PRKCE: variants seen among roughly 807,000 people sequenced by gnomAD.
PRKCE encodes the protein protein kinase C epsilon.
In PRKCE, 16 loss-of-function variants were observed where a neutral mutation model predicts 85.4. The observed-to-expected ratio is 0.19, with a 90% confidence interval of 0.13 to 0.28. PRKCE has a LOEUF of 0.28. PRKCE is among the 10% of genes least tolerant of loss of function. The pLI, the probability that PRKCE is intolerant of heterozygous loss-of-function variation, is 1.00. For missense variants in PRKCE, 573 were observed against 975.2 expected, an observed-to-expected ratio of 0.59 and a Z score of 5.49; for synonymous variants, 388 against 371.5, an observed-to-expected ratio of 1.04 and a Z score of -0.51.
At chr2:45,681,515 C>G (rs1440956792) in intron 1 of PRKCE, among the ~76,000 whole-genome samples, 1 of 152,004 alleles carries the variant, frequency 6.6e-6, no homozygotes, top group Admixed American at 6.6e-5. Flanking sequence ...TATGATGCAC[C>G]TAAGTACAGG....
chr2:45,999,243 C>G (rs369161332), intron 6 of PRKCE, among the ~76,000 whole-genome samples: 4 of 152,162 alleles, frequency 2.6e-5, no homozygotes, highest in Non-Finnish European at 5.9e-5. Context: ...TGAAGAACTA[C>G]TTTTAACATT....
chr2:45,789,626 C>G (rs887385337), intron 1 of PRKCE, among the ~76,000 whole-genome samples: 1 of 152,098 alleles, frequency 6.6e-6, no homozygotes, highest in Non-Finnish European at 1.5e-5. Context: ...GTGAGACTGT[C>G]TCTCTGGTTG....
chr2:46,146,231 A>C (rs1676055958), intron 12 of PRKCE, among the ~76,000 whole-genome samples: 1 of 152,272 alleles, frequency 6.6e-6, no homozygotes, highest in South Asian at 2.1e-4. Flanking sequence ...ATAGACAATC[A>C]AAATGATCTT....
intron 2 of PRKCE, among the ~76,000 whole-genome samples, chr2:45,969,031 G>A (rs868859394): frequency 2.9e-5 from 3 of 101,810 alleles, no homozygotes; most frequent in Non-Finnish European, 6.9e-5. Context: ...AGATTATCCC[G>A]TGCATTGGGG....
intron 11 of PRKCE, among the ~76,000 whole-genome samples, chr2:46,102,301 C>T (rs1033337405): frequency 2.6e-5 from 4 of 152,192 alleles, no homozygotes. Flanking sequence ...TCCTTTACAT[C>T]TCTGGCCTTG....
intron 1 of PRKCE, among the ~76,000 whole-genome samples, chr2:45,722,793 T>C (rs149343303): frequency 4.6e-5 from 7 of 152,316 alleles, no homozygotes; most frequent in East Asian, 1.9e-4. Flanking sequence ...GAATGCATTG[T>C]AGTCAGTTAA....
chr2:45,787,151 T>C (rs929275648), intron 1 of PRKCE, among the ~76,000 whole-genome samples: 4 of 152,218 alleles, frequency 2.6e-5, no homozygotes, highest in African/African-American at 9.6e-5. Flanking sequence ...AGCGTGGCTG[T>C]AGCTGGCAGC....
In PRKCE at chr2:45,652,320, T is replaced by G. The variant is rs781295699; in HGVS notation, c.220T>G (p.Cys74Gly). The change falls in exon 1 of 15, where the codon TGC (cysteine) becomes GGC (glycine). Residue 74 changes from cysteine to glycine, a missense_variant. Around this residue, in one of 11 missense-constraint regions of PRKCE, gnomAD observed 100 missense variants for 177.1 expected, o/e 0.56. Transcript: ENST00000306156. The surrounding 1 kb of genome is among the most constrained non-coding windows in gnomAD (Gnocchi z 7.7). Reference sequence around the variant, plus strand: ...GCACGACGAGTTCGTCACCGATGTGTGCAACGGACGCAAGATCGAGCTGGC... The same window carrying G: ...GCACGACGAGTTCGTCACCGATGTGGGCAACGGACGCAAGATCGAGCTGGC... ...AWHDEFVTDV[C>G]NGRKIELAVF... The G allele has an allele frequency of 6.2e-7, 1 of 1,613,666 alleles. No homozygotes were observed. The highest frequency in any genetic ancestry group is 1.1e-5 in the South Asian group (1 of 91,066).
At chr2:45,837,551 C>T (rs1318148020) in intron 1 of PRKCE, among the ~76,000 whole-genome samples, 1 of 152,170 alleles carries the variant, frequency 6.6e-6, no homozygotes, top group Non-Finnish European at 1.5e-5. Flanking sequence ...GCCACCACGC[C>T]CAGTCTAGGG....
At chr2:45,845,630 CCTT>C (rs1691725361) in intron 2 of PRKCE, 1 of 152,138 alleles carries the variant, frequency 6.6e-6, no homozygotes, top group African/African-American at 2.4e-5. Flanking sequence ...GACTACACCC[CCTT>C]CTTCTAGGAT....
At chr2:46,077,528 GA>G (rs1668668429) in intron 10 of PRKCE, among the ~76,000 whole-genome samples, 1 of 152,182 alleles carries the variant, frequency 6.6e-6, no homozygotes, top group Non-Finnish European at 1.5e-5. Context: ...GTTTGATTGT[GA>G]TAACTCTGAA....
At chr2:46,063,848 T>C in intron 10 of PRKCE, among the ~76,000 whole-genome samples, 1 of 152,202 alleles carries the variant, frequency 6.6e-6, no homozygotes, top group Non-Finnish European at 1.5e-5. Context: ...GATTATTCAA[T>C]AACCTGAGAG....
chr2:45,652,449 G>GA lies in PRKCE; in HGVS notation c.348+1_348+2insA. On this transcript the variant is annotated splice_donor_variant, in intron 1 of 14. Coordinates refer to ENST00000306156, the MANE Select transcript of PRKCE (RefSeq NM_005400.3). LOFTEE classifies it high-confidence loss of function. The surrounding 1 kb of genome is among the most constrained non-coding windows in gnomAD (Gnocchi z 7.7). ...CGGGAGCCGCCACTTCGAGGACTGG[G>GA]TGAGTGCGGCGCCTCCCCGTCATTC... 1 of 1,604,326 alleles carries GA rather than the reference G, an allele frequency of 6.2e-7. No individual in the cohort carries two copies. The highest frequency in any genetic ancestry group is 8.5e-7 in the Non-Finnish European group (1 of 1,176,914).
chr2:45,970,094 T>G lies in PRKCE; in HGVS notation c.413-6335T>G, dbSNP rs1477337116. Among the ~76,000 whole-genome samples the G allele has an allele frequency of 5.9e-5, 9 of 152,238 alleles. No individual in the cohort carries two copies. The East Asian group carries it at 1.3e-3, about 23-fold the overall frequency. On this transcript the variant is annotated intron_variant, in intron 2 of 14. Coordinates refer to ENST00000306156, the MANE Select transcript of PRKCE (RefSeq NM_005400.3). ...GTTGCCGAATCAAAGGATGTGAATCTCTTTGTGGCCTTCCCTGTGCAGTCT... is the reference window on the plus strand; with the variant it reads ...GTTGCCGAATCAAAGGATGTGAATCGCTTTGTGGCCTTCCCTGTGCAGTCT...
intron 10 of PRKCE, chr2:46,011,021 G>C (rs1028513484): frequency 8.4e-7 from 1 of 1,187,108 alleles, no homozygotes; most frequent in Non-Finnish European, 1.1e-6. Context: ...TACCGCATAG[G>C]TGTCTGGGAA....
chr2:45,779,638 G>A lies in PRKCE; in HGVS notation c.349-63362G>A, dbSNP rs539295909. The stretch of plus-strand genomic sequence containing the variant: ...AAAAAAAGAGAAAATCTCCTACCAG[G>A]CCTATTCTCCCCCAGAAAACATGAT... On this transcript the variant is annotated intron_variant, in intron 1 of 14. Coordinates refer to ENST00000306156, the MANE Select transcript of PRKCE (RefSeq NM_005400.3). Among the ~76,000 whole-genome samples the A allele has an allele frequency of 4.0e-5, 6 of 151,454 alleles. No individual in the cohort carries two copies. The East Asian group carries it at 1.2e-3, about 29-fold the overall frequency.
chr2:45,667,185 C>G (rs1487589918), intron 1 of PRKCE, among the ~76,000 whole-genome samples: 2 of 152,094 alleles, frequency 1.3e-5, no homozygotes, highest in African/African-American at 4.8e-5. Context: ...GTGGCACACA[C>G]CTGTAATCCC....
intron 10 of PRKCE, among the ~76,000 whole-genome samples, chr2:46,062,111 T>C (rs1667198881): frequency 6.6e-6 from 1 of 151,874 alleles, no homozygotes; most frequent in Non-Finnish European, 1.5e-5. Context: ...ATCCACCTGC[T>C]TCAGCCTCCC....
chr2:45,942,989 T>G (rs1042367504), intron 2 of PRKCE, among the ~76,000 whole-genome samples: 4 of 152,200 alleles, frequency 2.6e-5, no homozygotes, highest in Admixed American at 6.5e-5. Context: ...TTAATATACT[T>G]TAGAAGTGTT....
Sources: gnomAD v4.1 joint callset for allele counts (sites outside exome capture counted in the v4.1 genomes callset) on GRCh38, gnomAD v4.1.1 for gene constraint, gnomAD v4.1.1 regional missense constraint, Gnocchi (gnomAD v3.1) non-coding constraint, MANE v1.5 for transcripts, NCBI Gene and HGNC (gene_info 2026-07-23, HGNC 2026-07-21) for gene names.